Variants in CEP131 observed in about 807,000 individuals in gnomAD.
CEP131 encodes the protein centrosomal protein of 131 kDa.
A neutral mutation model predicts 136.8 loss-of-function variants in CEP131; 99 were observed. That is an observed-to-expected ratio of 0.72 (90% CI 0.62 to 0.86). The LOEUF is 0.86. Among genes scored for constraint, CEP131 ranks in the 40% least tolerant of loss-of-function variants. CEP131 has a pLI of 0.00. For synonymous variants in CEP131, 646 were observed against 612.7 expected, an observed-to-expected ratio of 1.05 and a Z score of -0.80; for missense variants, 1,459 against 1,463.0, an observed-to-expected ratio of 1.00 and a Z score of 0.04.
rs2061670200 is a variant in CEP131 at position 81,192,727 on chromosome 17, G to C, written c.2429+9C>G. 1.3e-6 allele frequency: 2 copies of C among 1,539,916 alleles called. No individual in the cohort carries two copies. The highest frequency in any genetic ancestry group is 1.8e-6 in the Non-Finnish European group (2 of 1,130,378). On this transcript the variant is annotated intron_variant, in intron 19 of 25. Transcript: ENST00000450824. ...CCCTGGGAGAGGGCGTGGTGCCCCC[G>C]GGCGGCACCTGGCTGCCTGCTGGCC...
Position 81,198,155 on chromosome 17 carries a change from G to A in CEP131, c.1430C>T (p.Pro477Leu), listed in dbSNP as rs762125340. ...GTATCTGCCCCTGTGATGGGTCCTG[G>A]GGCGGGGCAGCACGTCCGGCTCCTT... ...LEKEPDVLPR[P>L]RTHHRGRYAW... Residue 477 changes from proline (P) to leucine (L), a missense_variant, in exon 12 of 26, where the codon CCC becomes CTC. By Grantham distance (98) the Pro-to-Leu change is moderately conservative. This residue lies in a region of CEP131 where 1,026 missense variants were observed against 964.2 expected (regional missense o/e 1.06). Transcript: ENST00000450824. The A allele has an allele frequency of 5.1e-6, 8 of 1,573,766 alleles. No individual in the cohort carries two copies. The African/African-American group carries it at 1.1e-4, about 21-fold the overall frequency.
intron 5 of CEP131, 36 bp downstream of exon 5, chr17:81,206,706 CCA>C: frequency 6.3e-7 from 1 of 1,579,174 alleles, no homozygotes; most frequent in Non-Finnish European, 8.6e-7. Context: ...CAGGAGCTTC[CCA>C]CTGGTGCCCG....
intron 18 of CEP131, among the ~76,000 whole-genome samples, chr17:81,193,184 C>T (rs776864991): frequency 2.6e-5 from 4 of 152,318 alleles, no homozygotes; most frequent in Non-Finnish European, 4.4e-5. Context: ...GCATGGAGGG[C>T]GGGAGGCAGG....
In CEP131 at chr17:81,190,036, G is replaced by A. The variant is rs2061604554; in HGVS notation, c.3108-61C>T. The A allele has an allele frequency of 4.7e-6, 7 of 1,481,528 alleles. No individual in the cohort carries two copies. In the East Asian group the frequency reaches 7.2e-5, roughly 15 times the overall value. 91.8% of individuals were successfully genotyped at this position (1,481,528 alleles called of 1,614,324 possible). On this transcript the variant is annotated intron_variant, in intron 24 of 25. Transcript: ENST00000450824. ...CCGCCCCATGTCCCCAGAGTGGCCT[G>A]CAGTGCACAGGGTGCACGGGGCAGC... is the stretch of plus-strand genomic sequence containing the variant.
At position 81,203,485 on chromosome 17, in the gene CEP131, A is replaced by T. The variant is rs1164409468; in HGVS notation, c.629+9T>A. The T allele has an allele frequency of 1.3e-6, 2 of 1,589,760 alleles. No individual in the cohort carries two copies. Among genetic ancestry groups the T allele is most frequent in the Non-Finnish European group, 1.7e-6 (2 of 1,168,878 alleles). ...CCCGCAGCCCCGCGGCCTCCCCAGAAGACCTTACTTGAGGGAGGGGGCAGT... is the reference window on the plus strand; with the variant it reads ...CCCGCAGCCCCGCGGCCTCCCCAGATGACCTTACTTGAGGGAGGGGGCAGT... On this transcript the variant is annotated intron_variant, in intron 6 of 25. Coordinates refer to ENST00000450824, the MANE Select transcript of CEP131 (RefSeq NM_014984.4). This position sits in a 1 kb window ranked among gnomAD's most constrained non-coding sequence, Gnocchi z 4.6.
chr17:81,206,470 T>TCCCCAGGCCCCACCCTCACAG (rs2062010569), intron 5 of CEP131, among the ~76,000 whole-genome samples: 1 of 150,332 alleles, frequency 6.7e-6, no homozygotes, highest in Non-Finnish European at 1.5e-5. Context: ...CCAAGGCCCC[T>TCCCCAGGCCCCACCCTCACAG]CCCCAGGCCC....
At position 81,197,354 on chromosome 17, in the gene CEP131, C is replaced by T. The variant is rs148290575; in HGVS notation, c.1648-299G>A. ...ACGTCACTGCTCCATTTAGCCTGGC[C>T]GCTAGTGTTCACCCAGGACAAACCA... On this transcript the variant is annotated intron_variant, in intron 13 of 25. Transcript: ENST00000450824. 812 of 532,326 alleles carry T rather than the reference C, an allele frequency of 1.5e-3. 7 individuals are homozygous for T. Among genetic ancestry groups the T allele is most frequent in the African/African-American group, 0.013 (667 of 50,098 alleles). The allele number at this position is 532,326 out of a possible 1,614,324, so 33.0% of individuals were successfully genotyped here. A position where few individuals can be genotyped will look rare whatever the true frequency, so the allele number is the denominator to read the frequency against.
At chr17:81,202,218 C>G (rs200253592) in intron 7 of CEP131, 22 bp downstream of exon 7, 67 of 1,552,046 alleles carry the variant, frequency 4.3e-5, no homozygotes, top group Admixed American at 1.3e-4. Context: ...AGGCCCCCCC[C>G]CACCGCCCCA....
intron 19 of CEP131, 51 bp downstream of exon 19, chr17:81,192,685 G>GGGGGGGGGGCGCGCCC: frequency 2.1e-6 from 1 of 478,438 alleles, no homozygotes; most frequent in Non-Finnish European, 4.1e-6. Flanking sequence ...GGGGGGAGGG[G>GGGGGGGGGGCGCGCCC]TCAGCCAGCG....
chr17:81,196,634 C>T (rs2061760518), intron 15 of CEP131, 67 bp downstream of exon 15: 2 of 1,541,248 alleles, frequency 1.3e-6, no homozygotes, highest in Non-Finnish European at 1.7e-6. Context: ...GTGGGAAGCC[C>T]CTGGCTCTGG....
chr17:81,193,061 C>T (rs964158732), intron 18 of CEP131, among the ~76,000 whole-genome samples: 1 of 152,244 alleles, frequency 6.6e-6, no homozygotes, highest in African/African-American at 2.4e-5. Flanking sequence ...CGCAGCAATT[C>T]CCTGAGCTCC....
chr17:81,191,838 A>C (rs1007918813), intron 21 of CEP131, among the ~76,000 whole-genome samples: 4 of 152,164 alleles, frequency 2.6e-5, no homozygotes, highest in Non-Finnish European at 5.9e-5. Flanking sequence ...CCAGCCCACC[A>C]GGGTGTGAAA....
In CEP131 at chr17:81,207,246, C is replaced by A. The variant is rs1243784292; in HGVS notation, c.273-7G>T. 6.8e-6 allele frequency: 11 copies of A among 1,612,404 alleles called. No homozygotes were observed. Among genetic ancestry groups the A allele is most frequent in the South Asian group, 2.2e-5 (2 of 91,024 alleles). On this transcript the variant is annotated splice_polypyrimidine_tract_variant and splice_region_variant and intron_variant, in intron 3 of 25. Coordinates refer to ENST00000450824, the MANE Select transcript of CEP131 (RefSeq NM_014984.4). ...GTCTGTGGGCTCCGTTGGCCTGCAT[C>A]CGAGAGAGGGCGGCACACAAGGAAA...
chr17:81,211,102 C>T (rs1311030143), intron 2 of CEP131, among the ~76,000 whole-genome samples: 1 of 152,236 alleles, frequency 6.6e-6, no homozygotes, highest in Non-Finnish European at 1.5e-5. Context: ...TCATACCTTC[C>T]AGACCAGGCT....
Position 81,198,248 on chromosome 17 carries a change from G to C in CEP131, c.1337C>G (p.Pro446Arg), listed in dbSNP as rs149450146. 1.2e-6 allele frequency: 2 copies of C among 1,603,664 alleles called. No individual in the cohort carries two copies. The highest frequency in any genetic ancestry group is 1.7e-6 in the Non-Finnish European group (2 of 1,175,380). The change falls in exon 12 of 26, where the codon CCG becomes CGG. Residue 446 changes from proline (P) to arginine (R), a missense_variant. Around this residue, in one of 3 missense-constraint regions of CEP131, gnomAD observed 1,026 missense variants for 964.2 expected, o/e 1.06. Transcript: ENST00000450824. ...CCTGGACTTGGCGCTCCCCCTGCTCGGGGCCATCATCTCCAGGTTGTCCCC... is the reference window on the plus strand; with the variant it reads ...CCTGGACTTGGCGCTCCCCCTGCTCCGGGCCATCATCTCCAGGTTGTCCCC... ...AAGDNLEMMA[P>R]SRGSAKSRGP...
At chr17:81,218,568 T>C (rs2062308619) in intron 2 of CEP131, among the ~76,000 whole-genome samples, 1 of 152,250 alleles carries the variant, frequency 6.6e-6, no homozygotes, top group South Asian at 2.1e-4. Flanking sequence ...CGTCTGTAAA[T>C]GCCTAGAGGC....
intron 1 of CEP131, among the ~76,000 whole-genome samples, chr17:81,221,512 G>A (rs951878357): frequency 2.0e-5 from 3 of 152,104 alleles, no homozygotes; most frequent in Non-Finnish European, 4.4e-5. Flanking sequence ...CTGTGACCTC[G>A]CCAGCTCCCC....
chr17:81,194,966 T>A lies in CEP131; in HGVS notation c.2023A>T (p.Lys675Ter), dbSNP rs748220076. The change falls in exon 17 of 26, where the codon AAA becomes TAA. Residue 675 changes from lysine to a stop codon, truncating the protein, a stop_gained. Coordinates refer to ENST00000450824, the MANE Select transcript of CEP131 (RefSeq NM_014984.4). LOFTEE classifies it high-confidence loss of function. ...GCGCTCATTAATTCTTTGAGTTTTT[T>A]AATCTCCTACGAGCAGAACAGGGCA... ...QAQAQHELEI[K>*]KLKELMSATE... 3.7e-6 allele frequency: 6 copies of A among 1,610,634 alleles called. No homozygotes were observed. The highest frequency in any genetic ancestry group is 5.1e-6 in the Non-Finnish European group (6 of 1,179,620).
chr17:81,201,962 G>C (rs374272781), intron 7 of CEP131, among the ~76,000 whole-genome samples: 1 of 152,050 alleles, frequency 6.6e-6, no homozygotes, highest in Non-Finnish European at 1.5e-5. Context: ...TTAGCCAGGC[G>C]TGGTGGCGGG....
Sources: gnomAD v4.1 joint callset for allele counts (sites outside exome capture counted in the v4.1 genomes callset) on GRCh38, gnomAD v4.1.1 for gene constraint, gnomAD v4.1.1 regional missense constraint, Gnocchi (gnomAD v3.1) non-coding constraint, MANE v1.5 for transcripts, NCBI Gene and HGNC (gene_info 2026-07-23, HGNC 2026-07-21) for gene names.